The following PCDHGA7 variants were observed in gnomAD, a reference collection of about 807,000 sequenced individuals.
PCDHGA7 encodes protocadherin gamma subfamily A, 7, also known as protocadherin gamma-A7.
In PCDHGA7, 44 loss-of-function variants were observed where a neutral mutation model predicts 58.3. That is an observed-to-expected ratio of 0.75 (90% confidence interval 0.59 to 0.97). PCDHGA7 has a LOEUF of 0.97. Among genes scored for constraint, PCDHGA7 ranks in the 50% least tolerant of loss-of-function variants. The pLI is 0.00. For missense variants in PCDHGA7, 1,266 were observed against 1,188.7 expected (o/e 1.06, Z -0.96); for synonymous variants, 516 against 504.2 (o/e 1.02, Z -0.31).
intron 1 of PCDHGA7, among the ~76,000 whole-genome samples, chr5:141,387,064 G>A (rs2090802887): frequency 6.6e-6 from 1 of 152,174 alleles, no homozygotes; most frequent in Admixed American, 6.5e-5. Context: ...ATGAGGAGAG[G>A]AGTAGGCTAC....
intron 2 of PCDHGA7, among the ~76,000 whole-genome samples, chr5:141,496,769 C>T (rs1434587849): frequency 2.0e-5 from 3 of 152,064 alleles, no homozygotes; most frequent in African/African-American, 7.3e-5. Flanking sequence ...CGAGCATCTA[C>T]TATGAGCAGG....
chr5:141,457,635 T>G (rs1242403589), intron 1 of PCDHGA7, among the ~76,000 whole-genome samples: 2 of 152,270 alleles, frequency 1.3e-5, no homozygotes, highest in African/African-American at 4.8e-5. Flanking sequence ...ATACTTGGCC[T>G]GATTATTTGC....
At chr5:141,422,446 A>G in intron 1 of PCDHGA7, 1 of 1,610,700 alleles carries the variant, frequency 6.2e-7, no homozygotes, top group South Asian at 1.1e-5. Context: ...CAAATTGATA[A>G]CAAGCAGAGT....
chr5:141,442,051 C>G (rs1384937090), intron 1 of PCDHGA7: 1 of 197,158 alleles, frequency 5.1e-6, no homozygotes, highest in East Asian at 1.8e-4. Context: ...CTACTGGTCG[C>G]GGTGCACTGC....
intron 3 of PCDHGA7, among the ~76,000 whole-genome samples, chr5:141,507,898 C>T (rs577177417): frequency 1.3e-5 from 2 of 152,310 alleles, no homozygotes; most frequent in East Asian, 1.9e-4. Flanking sequence ...TTCCTGAAGT[C>T]CAGCCCAGCC....
chr5:141,432,960 G>C lies in PCDHGA7; in HGVS notation c.2424+47637G>C. ...CAGGCTTCAGGAGGCGGCTTGACAG[G>C]AGCGCCGGCGTCGCACTTTGTGGGC... On this transcript the variant is annotated intron_variant, in intron 1 of 3. Transcript: ENST00000518325. This position sits in a 1 kb window ranked among gnomAD's most constrained non-coding sequence, Gnocchi z 6.0. The C allele has an allele frequency of 2.5e-6, 4 of 1,614,188 alleles. No homozygotes were observed. The highest frequency in any genetic ancestry group is 3.4e-6 in the Non-Finnish European group (4 of 1,180,034).
intron 1 of PCDHGA7, among the ~76,000 whole-genome samples, chr5:141,435,150 C>G (rs1256233613): frequency 6.6e-6 from 1 of 152,006 alleles, no homozygotes; most frequent in Non-Finnish European, 1.5e-5. Context: ...TTGTGATAAA[C>G]TTTTGTAAAT....
rs752720166 is a variant in PCDHGA7, at chr5:141,419,978, G to C, written c.2424+34655G>C. 1.9e-6 allele frequency: 3 copies of C among 1,614,076 alleles called. No homozygotes were observed. In the South Asian group the frequency reaches 3.3e-5, roughly 18 times the overall value. On this transcript the variant is annotated intron_variant, in intron 1 of 3. Transcript: ENST00000518325. Reference sequence around the variant, plus strand: ...GATTTCTGTGCTCTTTCTCCTCGCGGTGATTCTAGCTATTGCTCTACGCCT... The same window carrying C: ...GATTTCTGTGCTCTTTCTCCTCGCGCTGATTCTAGCTATTGCTCTACGCCT...
chr5:141,387,813 A>T, intron 1 of PCDHGA7: 6 of 1,531,348 alleles, frequency 3.9e-6, no homozygotes, highest in Non-Finnish European at 5.3e-6. Flanking sequence ...GAGATCCAAA[A>T]ATCTGCAATA....
chr5:141,418,284 T>A (rs766608852), intron 1 of PCDHGA7: 19 of 1,613,826 alleles, frequency 1.2e-5, no homozygotes, highest in Non-Finnish European at 1.4e-5. Flanking sequence ...AACTTAGAAA[T>A]CAGTGAATCC....
chr5:141,412,805 A>G (rs2095578499), intron 1 of PCDHGA7, among the ~76,000 whole-genome samples: 1 of 152,246 alleles, frequency 6.6e-6, no homozygotes, highest in Non-Finnish European at 1.5e-5. Context: ...ACCTCCCCTA[A>G]GAAACCTACA....
chr5:141,392,844 G>C lies in PCDHGA7; in HGVS notation c.2424+7521G>C, dbSNP rs201895231. On this transcript the variant is annotated intron_variant, in intron 1 of 3. Coordinates refer to ENST00000518325, the MANE Select transcript of PCDHGA7 (RefSeq NM_018920.4). ...CGCTCCACAGAGTCGCCCCAGACGCGGCGAGCTGATCCTGCTGTGCGCGCT... is the reference window on the plus strand; with the variant it reads ...CGCTCCACAGAGTCGCCCCAGACGCCGCGAGCTGATCCTGCTGTGCGCGCT... 32 of 1,609,468 alleles carry C rather than the reference G, an allele frequency of 2.0e-5. No homozygotes were observed. The highest frequency in any genetic ancestry group is 2.5e-5 in the Non-Finnish European group (29 of 1,177,978).
rs777537045 is a variant in PCDHGA7 at position 141,490,191 on chromosome 5, A to T, written c.2425-4616A>T. The T allele has an allele frequency of 6.2e-7, 1 of 1,614,176 alleles. No homozygotes were observed. The highest frequency in any genetic ancestry group is 1.1e-5 in the South Asian group (1 of 91,082). On this transcript the variant is annotated intron_variant, in intron 1 of 3. Coordinates refer to ENST00000518325, the MANE Select transcript of PCDHGA7 (RefSeq NM_018920.4). The surrounding 1 kb of genome is among the most constrained non-coding windows in gnomAD (Gnocchi z 5.4). ...ACTTTGAGGAGTCACGTTTCTATGA[A>T]ATTCATGCAAGAGCCCGTGACCAGG...
intron 1 of PCDHGA7, chr5:141,393,562 A>C: frequency 6.2e-7 from 1 of 1,613,964 alleles, no homozygotes; most frequent in Non-Finnish European, 8.5e-7. Context: ...TACCGAGTGA[A>C]AGTCCTTGAG....
chr5:141,385,418 A>T (rs1317845643), intron 1 of PCDHGA7, 95 bp downstream of exon 1: 10 of 1,466,496 alleles, frequency 6.8e-6, no homozygotes, highest in Non-Finnish European at 8.1e-6. Context: ...ATAGGGATTT[A>T]AAAAACTTTA....
At chr5:141,387,594 C>T in intron 1 of PCDHGA7, 1 of 528,418 alleles carries the variant, frequency 1.9e-6, no homozygotes, top group East Asian at 3.1e-5. Context: ...TAACTTGAAG[C>T]AGCAGAGGCT....
intron 1 of PCDHGA7, chr5:141,407,989 T>C: frequency 1.2e-6 from 1 of 833,618 alleles, no homozygotes; most frequent in Non-Finnish European, 1.8e-6. Context: ...TCCGTCAGCC[T>C]CTGGCCTGGG....
rs898536568 is a variant in PCDHGA7 at position 141,478,080 on chromosome 5, C to T, written c.2425-16727C>T. The T allele has an allele frequency of 1.9e-6, 3 of 1,614,012 alleles. No homozygotes were observed. The Admixed American group carries it at 5.0e-5, about 27-fold the overall frequency. The stretch of plus-strand genomic sequence containing the variant: ...TTGATCAAAGACAATGGGGAGCCTT[C>T]GCTCTCCACCACTGCTACCCTCACT... On this transcript the variant is annotated intron_variant, in intron 1 of 3. Coordinates refer to ENST00000518325, the MANE Select transcript of PCDHGA7 (RefSeq NM_018920.4).
chr5:141,507,097 A>G (rs1343795018), intron 3 of PCDHGA7: 1 of 152,082 alleles, frequency 6.6e-6, no homozygotes, highest in African/African-American at 2.4e-5. Flanking sequence ...TGCTCTTTCT[A>G]CTATAGGGAC....
Sources: gnomAD v4.1 joint callset for allele counts (sites outside exome capture counted in the v4.1 genomes callset) on GRCh38, gnomAD v4.1.1 for gene constraint, Gnocchi (gnomAD v3.1) non-coding constraint, MANE v1.5 for transcripts, NCBI Gene and HGNC (gene_info 2026-07-23, HGNC 2026-07-21) for gene names.